SHC3: variants seen among roughly 807,000 people sequenced by gnomAD.
The protein encoded by SHC3 is SHC-transforming protein 3.
SHC3 carries 15 observed loss-of-function variants against 60.4 expected under a neutral mutation model. The ratio of observed to expected loss-of-function variants is 0.25; its 90% CI spans 0.17 to 0.38. The LOEUF (loss-of-function observed/expected upper bound fraction) is 0.38, where lower values mean the gene tolerates loss of function less well. Ranked by LOEUF, SHC3 falls within the 10% of genes least tolerant of loss-of-function variation. The pLI is 1.00. For synonymous variants in SHC3, 294 were observed against 325.9 expected, an observed-to-expected ratio of 0.90 and a Z score of 1.05; for missense variants, 677 against 786.1, an observed-to-expected ratio of 0.86 and a Z score of 1.66.
intron 11 of SHC3, among the ~76,000 whole-genome samples, chr9:89,027,382 C>T (rs372047099): frequency 7.1e-6 from 1 of 141,536 alleles, no homozygotes; most frequent in Non-Finnish European, 1.5e-5. Flanking sequence ...TGCAGTGGCA[C>T]GATCTCGGCT....
intron 1 of SHC3, among the ~76,000 whole-genome samples, chr9:89,176,672 A>C (rs1157444118): frequency 6.6e-6 from 1 of 152,252 alleles, no homozygotes; most frequent in Non-Finnish European, 1.5e-5. Flanking sequence ...AAATAAACTC[A>C]ACCAAATATG....
intron 1 of SHC3, among the ~76,000 whole-genome samples, chr9:89,162,836 G>T (rs1256671292): frequency 2.0e-5 from 3 of 146,912 alleles, no homozygotes; most frequent in Admixed American, 6.8e-5. Flanking sequence ...ATTTTCGCAA[G>T]CTACTCATCT....
At chr9:89,054,834 C>T (rs796233045) in intron 6 of SHC3, among the ~76,000 whole-genome samples, 3 of 152,298 alleles carry the variant, frequency 2.0e-5, no homozygotes, top group African/African-American at 7.2e-5. Context: ...CAACAGCCTG[C>T]AATAGTTCAT....
At chr9:89,105,482 A>T (rs1047501465) in intron 2 of SHC3, among the ~76,000 whole-genome samples, 1 of 152,214 alleles carries the variant, frequency 6.6e-6, no homozygotes, top group African/African-American at 2.4e-5. Context: ...CTGATACTGG[A>T]TCATTTCATC....
At chr9:89,037,964 G>A (rs777317063) in intron 11 of SHC3, 29 bp downstream of exon 11, 58 of 1,598,854 alleles carry the variant, frequency 3.6e-5, no homozygotes, top group Non-Finnish European at 4.0e-5. Context: ...CCACTGGCAG[G>A]TCCGGCCCCA....
At chr9:89,054,043 T>A (rs1012441550) in intron 6 of SHC3, among the ~76,000 whole-genome samples, 2 of 152,180 alleles carry the variant, frequency 1.3e-5, no homozygotes, top group Admixed American at 6.5e-5. Context: ...CTGTTTTTTT[T>A]AAGGAGAAAA....
intron 2 of SHC3, among the ~76,000 whole-genome samples, chr9:89,091,806 T>C (rs1472154927): frequency 6.6e-6 from 1 of 152,228 alleles, no homozygotes; most frequent in African/African-American, 2.4e-5. Context: ...TCTATTCTAC[T>C]TTCTATCTTC....
rs887831605 is a variant in SHC3, at chr9:89,157,794, A to AT, written c.474+20192dup. 4.6e-5 allele frequency among the ~76,000 whole-genome samples: 7 copies of AT among 151,634 alleles called. No individual in the cohort carries two copies. In the East Asian group the frequency reaches 5.8e-4, roughly 13 times the overall value. Reference sequence around the variant, plus strand: ...ACCACGCCAGGCTAATTTAAAAAAAATTTTTTTTGCAGAAATAGGATCTGG... The same window carrying AT: ...ACCACGCCAGGCTAATTTAAAAAAAATTTTTTTTTGCAGAAATAGGATCTGG... On this transcript the variant is annotated intron_variant, in intron 1 of 11. Coordinates refer to ENST00000375835, the MANE Select transcript of SHC3 (RefSeq NM_016848.6).
chr9:89,052,104 GT>G lies in SHC3; in HGVS notation c.894del (p.Gln299LysfsTer62). Reference sequence around the variant, plus strand: ...TGCTTAAACCGGAGCTCAAAGGCTTGTCCGATGGAGCCGATGACATCCTGGG... The same window carrying G: ...TGCTTAAACCGGAGCTCAAAGGCTTGCCGATGGAGCCGATGACATCCTGGG... Reference protein sequence around the residue: ...GLAQDVIGSIGQAFELRFKQY... With the variant: ...GLAQDVIGSIXQAFELRFKQY... On this transcript the variant is annotated frameshift_variant, in exon 7 of 12. Coordinates refer to ENST00000375835, the MANE Select transcript of SHC3 (RefSeq NM_016848.6). LOFTEE classifies it high-confidence loss of function. 1 of 1,614,134 alleles carries G rather than the reference GT, an allele frequency of 6.2e-7. No individual in the cohort carries two copies. Among genetic ancestry groups the G allele is most frequent in the Non-Finnish European group, 8.5e-7 (1 of 1,179,998 alleles).
intron 1 of SHC3, among the ~76,000 whole-genome samples, chr9:89,132,626 C>A (rs1826263799): frequency 6.6e-6 from 1 of 152,308 alleles, no homozygotes; most frequent in East Asian, 1.9e-4. Flanking sequence ...ACCATCTGAT[C>A]TTTGACAAAC....
At chr9:89,024,788 A>G (rs970700908) in intron 11 of SHC3, among the ~76,000 whole-genome samples, 1 of 152,204 alleles carries the variant, frequency 6.6e-6, no homozygotes, top group African/African-American at 2.4e-5. Flanking sequence ...ACATCAGCAG[A>G]GCCTCCTGCA....
At chr9:89,104,722 C>A (rs1347540325) in intron 2 of SHC3, among the ~76,000 whole-genome samples, 1 of 152,214 alleles carries the variant, frequency 6.6e-6, no homozygotes, top group Non-Finnish European at 1.5e-5. Flanking sequence ...TTCATCCCCA[C>A]ACCAAGCCCA....
intron 1 of SHC3, among the ~76,000 whole-genome samples, chr9:89,165,652 A>G (rs929483748): frequency 6.6e-6 from 1 of 152,166 alleles, no homozygotes; most frequent in Non-Finnish European, 1.5e-5. Flanking sequence ...GGCTTAGAAA[A>G]AGGAAGTGTT....
At chr9:89,119,260 A>G (rs1294398570) in intron 1 of SHC3, among the ~76,000 whole-genome samples, 1 of 152,218 alleles carries the variant, frequency 6.6e-6, no homozygotes, top group Non-Finnish European at 1.5e-5. Flanking sequence ...GCCAATAAAA[A>G]GAAGGGATAC....
chr9:89,098,156 A>G (rs1484226578), intron 2 of SHC3, among the ~76,000 whole-genome samples: 1 of 152,238 alleles, frequency 6.6e-6, no homozygotes, highest in African/African-American at 2.4e-5. Flanking sequence ...GGGAAATTCT[A>G]TAAAGTAACT....
At chr9:89,151,117 C>G (rs1334417671) in intron 1 of SHC3, among the ~76,000 whole-genome samples, 2 of 151,920 alleles carry the variant, frequency 1.3e-5, no homozygotes, top group Non-Finnish European at 2.9e-5. Flanking sequence ...CTCTTGGGAC[C>G]AAGTAATCCT....
chr9:89,178,440 ATACTT>A lies in SHC3; in HGVS notation c.16_20del (p.Lys6Ter). ...TCACCGAGTCATTCCTGAAGCGGTT[ATACTT>A]GGTGCGTGGAAGCATGCCCCTCCGT... On this transcript the variant is annotated frameshift_variant, in exon 1 of 12. Coordinates refer to ENST00000375835, the MANE Select transcript of SHC3 (RefSeq NM_016848.6). LOFTEE classifies it high-confidence loss of function. This position sits in a 1 kb window ranked among gnomAD's most constrained non-coding sequence, Gnocchi z 6.9. The A allele has an allele frequency of 6.8e-7, 1 of 1,469,542 alleles. No homozygotes were observed. Among genetic ancestry groups the A allele is most frequent in the Non-Finnish European group, 9.1e-7 (1 of 1,101,376 alleles). The allele number at this position is 1,469,542 out of a possible 1,614,324, so 91.0% of individuals were successfully genotyped here.
At chr9:89,073,949 A>G (rs747901001) in intron 4 of SHC3, among the ~76,000 whole-genome samples, 1 of 152,208 alleles carries the variant, frequency 6.6e-6, no homozygotes, top group Non-Finnish European at 1.5e-5. Context: ...AGAATCCACA[A>G]CCTCCAGAGC....
intron 1 of SHC3, among the ~76,000 whole-genome samples, chr9:89,165,798 G>T (rs1032153977): frequency 6.6e-6 from 1 of 152,156 alleles, no homozygotes; most frequent in Non-Finnish European, 1.5e-5. Context: ...CTCCGAAATG[G>T]TAGATGGGCA....
Sources: allele counts gnomAD v4.1 joint callset (sites outside exome capture counted in the v4.1 genomes callset), GRCh38; gene constraint gnomAD v4.1.1; non-coding constraint Gnocchi (gnomAD v3.1); transcripts MANE v1.5; gene names NCBI Gene and HGNC (gene_info 2026-07-23, HGNC 2026-07-21).